The following FNIP2 variants were observed in gnomAD, a reference collection of about 807,000 sequenced individuals.
FNIP2 encodes folliculin interacting protein 2.
Under a neutral mutation model 108.7 loss-of-function variants are expected in FNIP2, and 32 were observed. That is an observed-to-expected ratio of 0.29 (90% CI 0.22 to 0.40). The LOEUF (loss-of-function observed/expected upper bound fraction) is 0.40, where lower values mean the gene tolerates loss of function less well. Among genes scored for constraint, FNIP2 ranks in the 10% least tolerant of loss-of-function variants. FNIP2 has a pLI of 1.00. For missense variants in FNIP2, 1,202 were observed against 1,381.6 expected, an observed-to-expected ratio of 0.87 and a Z score of 2.06; for synonymous variants, 480 against 496.7, an observed-to-expected ratio of 0.97 and a Z score of 0.45.
chr4:158,814,097 C>T (rs1777434026), intron 1 of FNIP2, among the ~76,000 whole-genome samples: 1 of 152,164 alleles, frequency 6.6e-6, no homozygotes, highest in Non-Finnish European at 1.5e-5. Flanking sequence ...CCTCCTCCTT[C>T]TCCTCCTTCT....
At chr4:158,772,301 G>T (rs556746924) in intron 1 of FNIP2, among the ~76,000 whole-genome samples, 1 of 152,316 alleles carries the variant, frequency 6.6e-6, no homozygotes, top group Admixed American at 6.5e-5. Context: ...GGTTACCTTG[G>T]ATTTAAGGCC....
chr4:158,889,307 T>C (rs1217656346), intron 14 of FNIP2, among the ~76,000 whole-genome samples: 1 of 152,260 alleles, frequency 6.6e-6, no homozygotes, highest in Non-Finnish European at 1.5e-5. Context: ...TGTCCCTTTT[T>C]GTTATTGCAT....
chr4:158,899,886 T>C (rs1436971845), intron 16 of FNIP2, among the ~76,000 whole-genome samples: 2 of 152,230 alleles, frequency 1.3e-5, no homozygotes, highest in Non-Finnish European at 2.9e-5. Context: ...TGTCTTCTGC[T>C]AGCTTTTGAA....
intron 12 of FNIP2, among the ~76,000 whole-genome samples, chr4:158,866,690 C>G (rs1780602552): frequency 6.6e-6 from 1 of 152,060 alleles, no homozygotes; most frequent in Non-Finnish European, 1.5e-5. Context: ...ATTCTCCTGC[C>G]TCAGCCTTCC....
At chr4:158,864,499 T>C (rs1056009491) in intron 12 of FNIP2, among the ~76,000 whole-genome samples, 4 of 152,242 alleles carry the variant, frequency 2.6e-5, no homozygotes, top group African/African-American at 9.6e-5. Context: ...TGATCAGGAA[T>C]AAGTGTGCCT....
At position 158,829,215 on chromosome 4, in the gene FNIP2, C is replaced by T; in HGVS notation, c.371C>T (p.Pro124Leu). ...TCACATCATGCTAAGGAACAGCTTC[C>T]AAAGTACCAGGTACAACCATCCCTT... Reference protein sequence around the residue: ...GSSHHAKEQLPKYQYTRPASD... With the variant: ...GSSHHAKEQLLKYQYTRPASD... Residue 124 changes from proline to leucine, a missense_variant, in exon 3 of 17, where the codon CCA becomes CTA. Around this residue, in one of 5 missense-constraint regions of FNIP2, gnomAD observed 173 missense variants for 165.9 expected, o/e 1.04. Coordinates refer to ENST00000264433, the MANE Select transcript of FNIP2 (RefSeq NM_020840.3). 1 of 1,610,776 alleles carries T rather than the reference C, an allele frequency of 6.2e-7. No homozygotes were observed. Among genetic ancestry groups the T allele is most frequent in the South Asian group, 1.1e-5 (1 of 90,310 alleles).
chr4:158,806,047 T>G (rs535809195), intron 1 of FNIP2: 1 of 882,242 alleles, frequency 1.1e-6, no homozygotes, highest in East Asian at 8.6e-5. Flanking sequence ...CACCTTTTTT[T>G]TTTTTTAAAC....
In FNIP2 at chr4:158,853,208, G is replaced by A. The variant is rs115346266; in HGVS notation, c.857+1758G>A. Among the ~76,000 whole-genome samples, 253 of 152,232 alleles carry A rather than the reference G, an allele frequency of 1.7e-3. 1 individual carries two copies. Among genetic ancestry groups the A allele is most frequent in the African/African-American group, 5.6e-3 (233 of 41,564 alleles). On this transcript the variant is annotated intron_variant, in intron 8 of 16. Transcript: ENST00000264433. ...CAAATACATTTGTTTAGTCATCAAA[G>A]TTTATAGTTTTAGCAACTTGGCTTT...
chr4:158,806,009 G>T lies in FNIP2; in HGVS notation c.108-19907G>T, dbSNP rs1367101845. ...ATCTGACTTCCTAAATTATTGGCAG[G>T]CTTAATTTACGTAACAAATGAATGT... On this transcript the variant is annotated intron_variant, in intron 1 of 16. Transcript: ENST00000264433. 5.6e-6 allele frequency: 3 copies of T among 534,608 alleles called. No individual in the cohort carries two copies. In the African/African-American group the frequency reaches 6.1e-5, roughly 11 times the overall value. The allele number at this position is 534,608 out of a possible 1,614,324, so 33.1% of individuals were successfully genotyped here.
At position 158,832,147 on chromosome 4, in the gene FNIP2, A is replaced by G. The variant is rs556175944; in HGVS notation, c.554+9A>G. ...TGTGGAAGTACAAATAAGTAAGTGT[A>G]GGATTTTGCATTCCCCACCCCCATT... is the stretch of plus-strand genomic sequence containing the variant. On this transcript the variant is annotated intron_variant, in intron 5 of 16. Coordinates refer to ENST00000264433, the MANE Select transcript of FNIP2 (RefSeq NM_020840.3). 1.4e-5 allele frequency: 22 copies of G among 1,609,614 alleles called. No individual in the cohort carries two copies. The African/African-American group carries it at 2.9e-4, about 21-fold the overall frequency.
At chr4:158,830,349 G>A (rs1274636445) in intron 3 of FNIP2, among the ~76,000 whole-genome samples, 3 of 136,406 alleles carry the variant, frequency 2.2e-5, no homozygotes, top group East Asian at 2.4e-4. Context: ...TGCAAGCTCC[G>A]CTTCCCGGGT....
intron 1 of FNIP2, among the ~76,000 whole-genome samples, chr4:158,780,059 A>G (rs558662759): frequency 1.9e-4 from 29 of 152,106 alleles, no homozygotes; most frequent in African/African-American, 6.5e-4. Flanking sequence ...TAAAAAATAA[A>G]AAAAAAACTA....
chr4:158,839,203 T>G (rs1778979676), intron 7 of FNIP2, among the ~76,000 whole-genome samples: 1 of 152,134 alleles, frequency 6.6e-6, no homozygotes. Flanking sequence ...ATGCTGCCCC[T>G]CCTTGAGGAC....
intron 1 of FNIP2, among the ~76,000 whole-genome samples, chr4:158,786,259 T>A (rs1263087936): frequency 1.3e-5 from 2 of 152,238 alleles, no homozygotes; most frequent in Non-Finnish European, 2.9e-5. Context: ...AGAGAAATGC[T>A]TATCTGTCCT....
At chr4:158,803,992 G>A (rs1776849955) in intron 1 of FNIP2, among the ~76,000 whole-genome samples, 1 of 152,170 alleles carries the variant, frequency 6.6e-6, no homozygotes, top group Non-Finnish European at 1.5e-5. Context: ...AGGCTGGAGT[G>A]CAGTGGCACG....
rs757322292 is a variant in FNIP2 at position 158,833,600 on chromosome 4, G to C, written c.627G>C (p.Leu209Phe). The C allele has an allele frequency of 1.2e-6, 2 of 1,612,358 alleles. No homozygotes were observed. The highest frequency in any genetic ancestry group is 2.2e-5 in the South Asian group (2 of 90,414). Residue 209 changes from leucine to phenylalanine, a missense_variant, in exon 6 of 17, where the codon TTG becomes TTC. Physicochemically the swap from Leu to Phe is conservative, Grantham distance 22. Around this residue, in one of 5 missense-constraint regions of FNIP2, gnomAD observed 878 missense variants for 990.3 expected, o/e 0.89. Coordinates refer to ENST00000264433, the MANE Select transcript of FNIP2 (RefSeq NM_020840.3). Reference protein sequence around the residue: ...LGKLNTNQNSLGPCRTGSNLA... With the variant: ...LGKLNTNQNSFGPCRTGSNLA... ...AACTGAACACAAATCAAAATAGTTT[G>C]GGTCCTTGTCGTACTGGAAGTAACC...
rs375051695 is a variant in FNIP2, at chr4:158,815,739, G to T, written c.108-10177G>T. On this transcript the variant is annotated intron_variant, in intron 1 of 16. Coordinates refer to ENST00000264433, the MANE Select transcript of FNIP2 (RefSeq NM_020840.3). The stretch of plus-strand genomic sequence containing the variant: ...TTTTTCTTCTAGAGATAGTCTATAC[G>T]TGTATAATAAAACCCAGAGTTCTTT... 3.3e-5 allele frequency among the ~76,000 whole-genome samples: 5 copies of T among 152,094 alleles called. No individual in the cohort carries two copies. The South Asian group carries it at 8.3e-4, about 25-fold the overall frequency.
chr4:158,876,784 G>A (rs1781306312), intron 14 of FNIP2, among the ~76,000 whole-genome samples: 1 of 152,200 alleles, frequency 6.6e-6, no homozygotes, highest in Admixed American at 6.5e-5. Context: ...TTACTTTAGT[G>A]TGGCCCTTTC....
At chr4:158,794,913 T>A (rs1776536996) in intron 1 of FNIP2, among the ~76,000 whole-genome samples, 1 of 152,234 alleles carries the variant, frequency 6.6e-6, no homozygotes, top group Non-Finnish European at 1.5e-5. Context: ...TTAGTATACC[T>A]GAATGTATCC....
Sources: allele counts gnomAD v4.1 joint callset (sites outside exome capture counted in the v4.1 genomes callset), GRCh38; gene constraint gnomAD v4.1.1; regional missense constraint gnomAD v4.1.1; transcripts MANE v1.5; gene names NCBI Gene and HGNC (gene_info 2026-07-23, HGNC 2026-07-21).